Variants in ERBIN observed in about 807,000 individuals in gnomAD.
ERBIN encodes erbb2 interacting protein.
ERBIN carries 60 observed loss-of-function variants against 158.4 expected under a neutral mutation model. The ratio of observed to expected loss-of-function variants is 0.38; its 90% CI spans 0.31 to 0.47. The LOEUF (loss-of-function observed/expected upper bound fraction) is 0.47. Ranked by LOEUF, ERBIN falls within the 20% of genes least tolerant of loss-of-function variation. ERBIN has a pLI of 0.99. For missense variants in ERBIN, 1,610 were observed against 1,648.0 expected (o/e 0.98, Z 0.40); for synonymous variants, 594 against 557.2 (o/e 1.07, Z -0.93).
chr5:65,985,594 A>G (rs551439061), intron 1 of ERBIN, among the ~76,000 whole-genome samples: 1 of 152,346 alleles, frequency 6.6e-6, no homozygotes, highest in South Asian at 2.1e-4. Flanking sequence ...AGGGCAGTCT[A>G]TGAATGGTTG....
chr5:65,970,595 A>G (rs995899395), intron 1 of ERBIN, among the ~76,000 whole-genome samples: 5 of 151,988 alleles, frequency 3.3e-5, no homozygotes, highest in Non-Finnish European at 5.9e-5. Context: ...GTAACTTTTT[A>G]TATTCTTTTT....
At chr5:66,052,988 G>A (rs763516874) in intron 20 of ERBIN, among the ~76,000 whole-genome samples, 3 of 152,096 alleles carry the variant, frequency 2.0e-5, no homozygotes, top group Non-Finnish European at 4.4e-5. Context: ...CTGTAAAAAT[G>A]TCCTTTGCTC....
intron 3 of ERBIN, among the ~76,000 whole-genome samples, chr5:65,994,390 A>T (rs1200302547): frequency 6.6e-6 from 1 of 152,196 alleles, no homozygotes; most frequent in East Asian, 1.9e-4. Context: ...TTTTAGAAGA[A>T]TACTCTTCTT....
chr5:65,989,425 G>A (rs1751624673), intron 2 of ERBIN, among the ~76,000 whole-genome samples: 2 of 152,076 alleles, frequency 1.3e-5, no homozygotes, highest in Admixed American at 6.6e-5. Flanking sequence ...GGTCTAAACC[G>A]CTGTCTTTGT....
intron 21 of ERBIN, chr5:66,068,863 C>A: frequency 6.7e-7 from 1 of 1,488,954 alleles, no homozygotes; most frequent in Non-Finnish European, 9.0e-7. Context: ...TAAATCTATC[C>A]CCTCTTTATT....
chr5:66,014,549 T>C, intron 6 of ERBIN, 120 bp from the exon 7 acceptor site: 1 of 511,846 alleles, frequency 2.0e-6, no homozygotes, highest in Non-Finnish European at 3.5e-6. Context: ...TTTTAATATA[T>C]TACTTTGCAA....
chr5:66,050,646 G>A (rs954763838), intron 19 of ERBIN, 137 bp from the exon 20 acceptor site: 1 of 481,846 alleles, frequency 2.1e-6, no homozygotes, highest in African/African-American at 2.0e-5. Context: ...ATTTTCAGGG[G>A]TGCTTCCAAT....
intron 1 of ERBIN, among the ~76,000 whole-genome samples, chr5:65,933,010 C>T (rs1476745254): frequency 6.6e-6 from 1 of 152,026 alleles, no homozygotes; most frequent in East Asian, 1.9e-4. Context: ...TCAGGCTGGT[C>T]TTGAACTCCT....
At chr5:65,935,980 A>G (rs1744032445) in intron 1 of ERBIN, among the ~76,000 whole-genome samples, 1 of 151,950 alleles carries the variant, frequency 6.6e-6, no homozygotes, top group Admixed American at 6.6e-5. Context: ...TCCACCTCGA[A>G]CCTCCCAAAG....
In ERBIN at chr5:66,038,093, G is replaced by A. The variant is rs190420814; in HGVS notation, c.1207-290G>A. The stretch of plus-strand genomic sequence containing the variant: ...ATATATCACTGTGTTAATAAGTAAC[G>A]GACTATGGATAAACTTAGTATATGA... On this transcript the variant is annotated intron_variant, in intron 14 of 25. Transcript: ENST00000284037. 5.1e-3 allele frequency among the ~76,000 whole-genome samples: 776 copies of A among 152,168 alleles called. 13 individuals carry two copies. The highest frequency in any genetic ancestry group is 0.018 in the African/African-American group (746 of 41,530).
intron 7 of ERBIN, among the ~76,000 whole-genome samples, chr5:66,016,147 A>G (rs1335939093): frequency 1.3e-5 from 2 of 152,188 alleles, no homozygotes; most frequent in Non-Finnish European, 2.9e-5. Flanking sequence ...ATGAATGTTT[A>G]TAGTGATGAT....
intron 1 of ERBIN, among the ~76,000 whole-genome samples, chr5:65,928,694 T>C (rs1436061747): frequency 6.6e-6 from 1 of 152,204 alleles, no homozygotes; most frequent in Non-Finnish European, 1.5e-5. Context: ...CCTTTGTGTT[T>C]CTTTTTTTTC....
intron 21 of ERBIN, among the ~76,000 whole-genome samples, chr5:66,066,225 CTACTT>C (rs1375114806): frequency 6.6e-6 from 1 of 152,110 alleles, no homozygotes; most frequent in Non-Finnish European, 1.5e-5. Flanking sequence ...TACTAATTAA[CTACTT>C]TAATAGCAGC....
intron 1 of ERBIN, among the ~76,000 whole-genome samples, chr5:65,944,700 C>T (rs914806434): frequency 6.6e-6 from 1 of 152,098 alleles, no homozygotes; most frequent in African/African-American, 2.4e-5. Flanking sequence ...TATACCTGGC[C>T]TTATTATGGT....
At chr5:65,970,154 T>TCA in intron 1 of ERBIN, among the ~76,000 whole-genome samples, 1 of 152,300 alleles carries the variant, frequency 6.6e-6, no homozygotes, top group Admixed American at 6.5e-5. Context: ...ATGACTTTTG[T>TCA]TTATTAAACC....
rs532211404 is a variant in ERBIN at position 66,058,636 on chromosome 5, C to T, written c.3633+3685C>T. Among the ~76,000 whole-genome samples, 574 of 145,942 alleles carry T rather than the reference C, an allele frequency of 3.9e-3. 2 individuals carry two copies. Among genetic ancestry groups the T allele is most frequent in the Non-Finnish European group, 5.9e-3 (381 of 64,978 alleles). ...ATGCCTATGTCCTGAATGGTATTGC[C>T]TAGGTTTTCTTCTAGGGTTTTTATG... On this transcript the variant is annotated intron_variant, in intron 21 of 25. Coordinates refer to ENST00000284037, the MANE Select transcript of ERBIN (RefSeq NM_001253697.2).
chr5:65,930,378 C>T (rs889900546), intron 1 of ERBIN, among the ~76,000 whole-genome samples: 7 of 152,070 alleles, frequency 4.6e-5, no homozygotes, highest in South Asian at 2.1e-4. Context: ...AGATTTTGGC[C>T]CACTGCAAGC....
intron 4 of ERBIN, among the ~76,000 whole-genome samples, chr5:66,004,397 C>CGCGCCT: frequency 6.6e-6 from 1 of 151,670 alleles, no homozygotes; most frequent in South Asian, 2.1e-4. Context: ...TGTGCGCGCG[C>CGCGCCT]GTGCGTGTGT....
chr5:65,942,908 CAAAAAAA>C (rs56041538), intron 1 of ERBIN, among the ~76,000 whole-genome samples: 1 of 138,678 alleles, frequency 7.2e-6, no homozygotes, highest in African/African-American at 2.6e-5. Flanking sequence ...ACTCCGTCTC[CAAAAAAA>C]AAAAAAAAAA....
Sources: allele counts gnomAD v4.1 joint callset (sites outside exome capture counted in the v4.1 genomes callset), GRCh38; gene constraint gnomAD v4.1.1; transcripts MANE v1.5; gene names NCBI Gene and HGNC (gene_info 2026-07-23, HGNC 2026-07-21).